Variants in ASTN2 observed in about 807,000 individuals in gnomAD.
ASTN2 encodes the protein astrotactin-2.
ASTN2 carries 54 observed loss-of-function variants against 139.8 expected under a neutral mutation model. The observed-to-expected ratio is 0.39, with a 90% CI of 0.31 to 0.48. The LOEUF (loss-of-function observed/expected upper bound fraction) is 0.48, where lower values mean the gene tolerates loss of function less well. Ranked by LOEUF, ASTN2 falls within the 20% of genes least tolerant of loss-of-function variation. The pLI, the probability that ASTN2 is intolerant of heterozygous loss-of-function variation, is 0.95. For missense variants in ASTN2, 1,565 were observed against 1,725.1 expected, an observed-to-expected ratio of 0.91 and a Z score of 1.64; for synonymous variants, 756 against 719.5, an observed-to-expected ratio of 1.05 and a Z score of -0.81.
intron 10 of ASTN2, among the ~76,000 whole-genome samples, chr9:116,914,669 G>C (rs1342192351): frequency 6.6e-6 from 1 of 151,756 alleles, no homozygotes; most frequent in Non-Finnish European, 1.5e-5. Context: ...CTCAGATAGG[G>C]AAGAGGATAG....
chr9:116,986,046 A>G (rs1309755561), intron 7 of ASTN2, among the ~76,000 whole-genome samples: 1 of 152,152 alleles, frequency 6.6e-6, no homozygotes, highest in African/African-American at 2.4e-5. Context: ...TGCAGACAAT[A>G]TATTAAAAAC....
intron 19 of ASTN2, among the ~76,000 whole-genome samples, chr9:116,531,101 C>T (rs548514375): frequency 1.5e-4 from 23 of 152,292 alleles, no homozygotes; most frequent in Middle Eastern, 6.8e-3. Context: ...GGCCCCATCT[C>T]ATCCATTAGT....
intron 11 of ASTN2, among the ~76,000 whole-genome samples, chr9:116,859,561 T>G (rs1832824735): frequency 6.6e-6 from 1 of 152,244 alleles, no homozygotes; most frequent in Admixed American, 6.5e-5. Flanking sequence ...CCTTCCCTTG[T>G]ATCCACAAAG....
intron 21 of ASTN2, among the ~76,000 whole-genome samples, chr9:116,442,054 A>G (rs1847855708): frequency 6.6e-6 from 1 of 152,160 alleles, no homozygotes; most frequent in African/African-American, 2.4e-5. Context: ...CACAAGGTGA[A>G]ATGGTTTTCT....
At chr9:117,074,094 A>G (rs138518407) in intron 5 of ASTN2, among the ~76,000 whole-genome samples, 3 of 10,208 alleles carry the variant, frequency 2.9e-4, no homozygotes, top group African/African-American at 1.1e-3. Flanking sequence ...TCTATTGAGG[A>G]AAAAAAAAAA....
At chr9:117,410,390 C>T (rs1588022584) in intron 1 of ASTN2, among the ~76,000 whole-genome samples, 1 of 152,230 alleles carries the variant, frequency 6.6e-6, no homozygotes, top group East Asian at 1.9e-4. Flanking sequence ...ATCAGTCCTT[C>T]CCACCACCCT....
chr9:116,979,541 A>T (rs1928992), intron 7 of ASTN2, among the ~76,000 whole-genome samples: 148,117 of 152,246 alleles, frequency 0.97, 72,181 homozygotes, highest in East Asian at 1. Context: ...TCACTAAAGA[A>T]GTGTTAAAAT....
At chr9:116,815,804 C>CAAAAAAAAAAAAAAAAAAAAAAAAAAA (rs55954354) in intron 12 of ASTN2, among the ~76,000 whole-genome samples, 1 of 24,108 alleles carries the variant, frequency 4.1e-5, no homozygotes, top group Non-Finnish European at 6.7e-5. Context: ...GACTCCGTCT[C>CAAAAAAAAAAAAAAAAAAAAAAAAAAA]AAAAAAAAAA....
At chr9:117,197,362 T>A (rs989707157) in intron 3 of ASTN2, 2 of 152,190 alleles carry the variant, frequency 1.3e-5, no homozygotes, top group Non-Finnish European at 2.9e-5. Context: ...CTCAAGATAA[T>A]GGTCAACAAT....
chr9:116,835,408 T>C (rs947182858), intron 11 of ASTN2, among the ~76,000 whole-genome samples: 1 of 152,238 alleles, frequency 6.6e-6, no homozygotes, highest in Non-Finnish European at 1.5e-5. Context: ...AAATTTTGCA[T>C]CTGTAAAGAA....
chr9:116,675,025 C>G (rs1326318520), intron 16 of ASTN2, among the ~76,000 whole-genome samples: 2 of 152,100 alleles, frequency 1.3e-5, no homozygotes, highest in South Asian at 2.1e-4. Flanking sequence ...CAAGGTGAAC[C>G]CCCTGGGCAG....
chr9:116,806,369 C>T (rs1284916573), intron 12 of ASTN2, among the ~76,000 whole-genome samples: 2 of 152,130 alleles, frequency 1.3e-5, no homozygotes, highest in Non-Finnish European at 2.9e-5. Flanking sequence ...CAGGGGTGGC[C>T]TCATCTATGG....
intron 20 of ASTN2, among the ~76,000 whole-genome samples, chr9:116,484,624 C>G (rs1297087980): frequency 2.0e-5 from 3 of 152,176 alleles, no homozygotes; most frequent in Non-Finnish European, 2.9e-5. Context: ...AAACAACACC[C>G]TGGTTCCTGG....
At position 116,741,587 on chromosome 9, in the gene ASTN2, C is replaced by G. The variant is rs77020092; in HGVS notation, c.2397-8064G>C. On this transcript the variant is annotated intron_variant, in intron 13 of 22. Transcript: ENST00000313400. ...CAAGCAGTTGGGAGACCTGTGTTCT[C>G]ATCTTGGCTCTGTCACTGGCTGGCT... Among the ~76,000 whole-genome samples the G allele has an allele frequency of 4.4e-3, 667 of 152,306 alleles. 16 individuals are homozygous for G. The East Asian group carries it at 0.053, about 12-fold the overall frequency.
chr9:116,783,051 C>G (rs1830261428), intron 13 of ASTN2, among the ~76,000 whole-genome samples: 1 of 152,094 alleles, frequency 6.6e-6, no homozygotes, highest in Admixed American at 6.6e-5. Context: ...GGACTTTGGA[C>G]AACAGTCAAA....
At chr9:116,620,185 CAGGGTCTTTG>C in intron 18 of ASTN2, 115 bp downstream of exon 18, 1 of 1,365,876 alleles carries the variant, frequency 7.3e-7, no homozygotes, top group Admixed American at 2.2e-5. Flanking sequence ...AGGTAGATTC[CAGGGTCTTTG>C]AGGATCTTGT....
At chr9:117,309,689 G>T (rs903155415) in intron 1 of ASTN2, among the ~76,000 whole-genome samples, 2 of 152,166 alleles carry the variant, frequency 1.3e-5, no homozygotes, top group African/African-American at 4.8e-5. Context: ...CTACAAAAAA[G>T]TGGGGCAGCC....
chr9:117,127,884 T>G (rs939628610), intron 4 of ASTN2, among the ~76,000 whole-genome samples: 2 of 151,698 alleles, frequency 1.3e-5, no homozygotes, highest in Non-Finnish European at 2.9e-5. Context: ...GTTTCACTGT[T>G]TTAGCCAGGA....
chr9:117,141,355 C>T lies in ASTN2; in HGVS notation c.1139G>A (p.Gly380Glu), dbSNP rs757820995. The change falls in exon 4 of 23, where the codon GGG (glycine) becomes GAG (glutamate). Residue 380 changes from glycine (G) to glutamate (E), a missense_variant. Transcript: ENST00000313400. ...AGACTTGCTCCTCCGCTTCCTCTTC[C>T]CTGCCGATGTGCTGCGCAGGGGTGG... ...LQPPLRSTSAGKRKRRSKSRG... is the reference protein window; with the variant it reads ...LQPPLRSTSAEKRKRRSKSRG... 7.3e-7 allele frequency: 1 copy of T among 1,367,504 alleles called. No individual in the cohort carries two copies. The highest frequency in any genetic ancestry group is 1.9e-5 in the Admixed American group (1 of 52,582). The allele number at this position is 1,367,504 out of a possible 1,614,324, so 84.7% of individuals were successfully genotyped here. A position where few individuals can be genotyped will look rare whatever the true frequency, so the allele number is the denominator to read the frequency against.
Sources: gnomAD v4.1 joint callset for allele counts (sites outside exome capture counted in the v4.1 genomes callset) on GRCh38, gnomAD v4.1.1 for gene constraint, MANE v1.5 for transcripts, NCBI Gene and HGNC (gene_info 2026-07-23, HGNC 2026-07-21) for gene names.